SPPL3: variants seen among roughly 807,000 people sequenced by gnomAD.
SPPL3 encodes the protein signal peptide peptidase-like 3.
Under a neutral mutation model 42.4 loss-of-function variants are expected in SPPL3, and 5 were observed. The observed-to-expected ratio is 0.12, with a 90% confidence interval of 0.06 to 0.25. SPPL3 has a LOEUF of 0.25. SPPL3 is among the 10% of genes least tolerant of loss of function. SPPL3 has a pLI of 1.00. For synonymous variants in SPPL3, 195 were observed against 181.8 expected (o/e 1.07, Z -0.58); for missense variants, 235 against 489.0 (o/e 0.48, Z 4.90).
At chr12:120,895,020 G>A (rs932760983) in intron 1 of SPPL3, among the ~76,000 whole-genome samples, 7 of 152,096 alleles carry the variant, frequency 4.6e-5, no homozygotes, top group Admixed American at 2.0e-4. Flanking sequence ...GTAGAAAACC[G>A]TACCATGCAT....
At position 120,834,198 on chromosome 12, in the gene SPPL3, C is replaced by T. The variant is rs146393116; in HGVS notation, c.24-23312G>A. Reference sequence around the variant, plus strand: ...GGAATTTTAAGTCTTCAGTTTATAACAGACAATCGAGAGAGAATGAGAATG... The same window carrying T: ...GGAATTTTAAGTCTTCAGTTTATAATAGACAATCGAGAGAGAATGAGAATG... On this transcript the variant is annotated intron_variant, in intron 1 of 10. Transcript: ENST00000353487. 1.1e-3 allele frequency among the ~76,000 whole-genome samples: 161 copies of T among 152,316 alleles called. 1 individual carries two copies. Among genetic ancestry groups the T allele is most frequent in the African/African-American group, 3.5e-3 (147 of 41,562 alleles).
chr12:120,892,209 C>T (rs777627024), intron 1 of SPPL3, among the ~76,000 whole-genome samples: 2 of 152,156 alleles, frequency 1.3e-5, no homozygotes, highest in Admixed American at 6.5e-5. Context: ...AATCTGAGCA[C>T]CTACTATCTG....
At chr12:120,792,124 C>G (rs73411955) in intron 2 of SPPL3, among the ~76,000 whole-genome samples, 3 of 152,132 alleles carry the variant, frequency 2.0e-5, no homozygotes, top group African/African-American at 7.2e-5. Flanking sequence ...CAATACATAG[C>G]GTGTTCATGG....
chr12:120,862,048 G>A (rs943228182), intron 1 of SPPL3, among the ~76,000 whole-genome samples: 4 of 152,178 alleles, frequency 2.6e-5, no homozygotes, highest in African/African-American at 7.2e-5. Context: ...TGTCCACAGT[G>A]TCCAGAGAAG....
At chr12:120,776,853 G>T (rs509150) in intron 6 of SPPL3, among the ~76,000 whole-genome samples, 147,609 of 152,308 alleles carry the variant, frequency 0.97, 71,549 homozygotes, top group East Asian at 1. Context: ...CAGACCACAT[G>T]GGGGACTGAG....
At chr12:120,765,162 G>T in intron 10 of SPPL3, 92 bp from the exon 11 acceptor site, 2 of 1,243,112 alleles carry the variant, frequency 1.6e-6, no homozygotes, top group Non-Finnish European at 2.2e-6. Flanking sequence ...TTTTTTCCAG[G>T]TATGAAGTCT....
chr12:120,834,730 C>T lies in SPPL3; in HGVS notation c.24-23844G>A, dbSNP rs2137020818. On this transcript the variant is annotated intron_variant, in intron 1 of 10. Transcript: ENST00000353487. Reference sequence around the variant, plus strand: ...CTATACTACTCTAGTTTAACCAGAGCTAAAAATAACCTTTTGTGTTTCCCT... The same window carrying T: ...CTATACTACTCTAGTTTAACCAGAGTTAAAAATAACCTTTTGTGTTTCCCT... Among the ~76,000 whole-genome samples, 2 of 152,232 alleles carry T rather than the reference C, an allele frequency of 1.3e-5. 1 individual carries two copies. Among genetic ancestry groups the T allele is most frequent in the South Asian group, 4.1e-4 (2 of 4,824 alleles).
chr12:120,874,134 A>G (rs1241273689), intron 1 of SPPL3, among the ~76,000 whole-genome samples: 1 of 152,118 alleles, frequency 6.6e-6, no homozygotes, highest in African/African-American at 2.4e-5. Context: ...ATGTGCATCT[A>G]CAAAAAGAAA....
At chr12:120,869,162 A>G (rs927992000) in intron 1 of SPPL3, among the ~76,000 whole-genome samples, 1 of 152,234 alleles carries the variant, frequency 6.6e-6, no homozygotes, top group Admixed American at 6.5e-5. Flanking sequence ...GCTTGCATCA[A>G]TTTGAAACAT....
At position 120,838,199 on chromosome 12, in the gene SPPL3, A is replaced by G. The variant is rs550484428; in HGVS notation, c.24-27313T>C. ...CTAGAAAAAGAAATGGTCTCCTGAG[A>G]GATGGGCTATCTGAATTTGGTAGGT... On this transcript the variant is annotated intron_variant, in intron 1 of 10. Transcript: ENST00000353487. 3.9e-5 allele frequency among the ~76,000 whole-genome samples: 6 copies of G among 152,370 alleles called. No individual in the cohort carries two copies. In the East Asian group the frequency reaches 1.2e-3, roughly 29 times the overall value.
chr12:120,766,911 T>C (rs889041240), intron 9 of SPPL3, among the ~76,000 whole-genome samples: 1 of 152,222 alleles, frequency 6.6e-6, no homozygotes, highest in Non-Finnish European at 1.5e-5. Context: ...TTCCAGTCAC[T>C]GTGCGGGAGC....
intron 1 of SPPL3, among the ~76,000 whole-genome samples, chr12:120,856,927 T>TA (rs1872478823): frequency 6.6e-6 from 1 of 152,178 alleles, no homozygotes; most frequent in South Asian, 2.1e-4. Context: ...AGGAGCTCTG[T>TA]ACATTCCAAC....
chr12:120,867,949 G>A (rs1872806866), intron 1 of SPPL3, among the ~76,000 whole-genome samples: 2 of 152,122 alleles, frequency 1.3e-5, no homozygotes, highest in Admixed American at 1.3e-4. Context: ...GTTTCACCAT[G>A]TTGGCCAGGC....
intron 1 of SPPL3, among the ~76,000 whole-genome samples, chr12:120,860,051 G>A (rs2137041418): frequency 6.6e-6 from 1 of 152,244 alleles, no homozygotes; most frequent in East Asian, 1.9e-4. Context: ...GAAGAGCTTA[G>A]GCAACATAGT....
intron 1 of SPPL3, among the ~76,000 whole-genome samples, chr12:120,844,794 C>T (rs1206279448): frequency 2.0e-5 from 3 of 152,028 alleles, no homozygotes; most frequent in African/African-American, 7.2e-5. Flanking sequence ...CACAGCGACT[C>T]CCGGAGGCCA....
chr12:120,847,937 C>A lies in SPPL3; in HGVS notation c.24-37051G>T, dbSNP rs894724818. 2.0e-5 allele frequency among the ~76,000 whole-genome samples: 3 copies of A among 152,120 alleles called. No homozygotes were observed. The East Asian group carries it at 5.8e-4, about 29-fold the overall frequency. ...ACTACCGAGAGAAAGGAGATAATCACAAGTTTGGGGAGAGAGTGATTTTTA... is the reference window on the plus strand; with the variant it reads ...ACTACCGAGAGAAAGGAGATAATCAAAAGTTTGGGGAGAGAGTGATTTTTA... On this transcript the variant is annotated intron_variant, in intron 1 of 10. Coordinates refer to ENST00000353487, the MANE Select transcript of SPPL3 (RefSeq NM_139015.5).
At position 120,799,690 on chromosome 12, in the gene SPPL3, T is replaced by C. The variant is rs373072665; in HGVS notation, c.102-8133A>G. 6.0e-4 allele frequency among the ~76,000 whole-genome samples: 91 copies of C among 152,254 alleles called. No individual in the cohort carries two copies. In the South Asian group the frequency reaches 0.019, roughly 31 times the overall value. ...AAGCTTAGCTAAAATCAAGCCTTGT[T>C]TGGTTGTTAGAAGCAGACCATGGGT... On this transcript the variant is annotated intron_variant, in intron 2 of 10. Transcript: ENST00000353487.
At position 120,810,902 on chromosome 12, in the gene SPPL3, GA is replaced by G. The variant is rs765026312; in HGVS notation, c.24-17del. 1.9e-6 allele frequency: 3 copies of G among 1,601,020 alleles called. No homozygotes were observed. Among genetic ancestry groups the G allele is most frequent in the African/African-American group, 1.3e-5 (1 of 74,564 alleles). On this transcript the variant is annotated splice_polypyrimidine_tract_variant and intron_variant, in intron 1 of 10. Coordinates refer to ENST00000353487, the MANE Select transcript of SPPL3 (RefSeq NM_139015.5). ...GGAATAGGCCCTAGAGAAATAAGAG[GA>G]AAAAAATTTAAATCACATGCAGTGA...
At chr12:120,809,424 T>C (rs946945076) in intron 2 of SPPL3, among the ~76,000 whole-genome samples, 6 of 152,310 alleles carry the variant, frequency 3.9e-5, no homozygotes, top group East Asian at 3.9e-4. Context: ...CTACTCAGTA[T>C]TGAGGTAAAG....
Sources: allele counts gnomAD v4.1 joint callset (sites outside exome capture counted in the v4.1 genomes callset), GRCh38; gene constraint gnomAD v4.1.1; transcripts MANE v1.5; gene names NCBI Gene and HGNC (gene_info 2026-07-23, HGNC 2026-07-21).